The following TXK variants were observed in gnomAD, a reference collection of about 807,000 sequenced individuals.
TXK encodes TXK tyrosine kinase, also known as tyrosine-protein kinase TXK.
TXK carries 60 observed loss-of-function variants against 81.0 expected under a neutral mutation model. The ratio of observed to expected loss-of-function variants is 0.74; its 90% CI spans 0.60 to 0.92. TXK has a LOEUF of 0.92. Among genes scored for constraint, TXK ranks in the 40% least tolerant of loss-of-function variants. TXK has a pLI of 0.00. For missense variants in TXK, 581 were observed against 638.3 expected, an observed-to-expected ratio of 0.91 and a Z score of 0.97; for synonymous variants, 203 against 210.7, an observed-to-expected ratio of 0.96 and a Z score of 0.32.
chr4:48,073,337 C>T (rs1420760471), intron 13 of TXK, among the ~76,000 whole-genome samples: 1 of 152,110 alleles, frequency 6.6e-6, no homozygotes, highest in Non-Finnish European at 1.5e-5. Context: ...ATATTTATTA[C>T]CATTTTTTGA....
At chr4:48,118,341 C>T (rs549136528) in intron 1 of TXK, among the ~76,000 whole-genome samples, 336 of 152,256 alleles carry the variant, frequency 2.2e-3, no homozygotes, top group African/African-American at 7.8e-3. Context: ...TGGAGAACTA[C>T]CCAAGAGGCC....
In TXK at chr4:48,114,415, T is replaced by A. The variant is rs1276417659; in HGVS notation, c.17-13A>T. The A allele has an allele frequency of 6.2e-6, 10 of 1,613,958 alleles. No homozygotes were observed. Among genetic ancestry groups the A allele is most frequent in the Admixed American group, 5.0e-5 (3 of 60,000 alleles). The stretch of plus-strand genomic sequence containing the variant: ...TGGATGGTGTTATCTGAAAAGCAGA[T>A]CATTTCTCAGCTGTTAGAAAGCCAT... On this transcript the variant is annotated splice_polypyrimidine_tract_variant and intron_variant, in intron 1 of 14. Transcript: ENST00000264316.
chr4:48,092,997 C>G (rs1233425806), intron 8 of TXK, among the ~76,000 whole-genome samples: 1 of 152,092 alleles, frequency 6.6e-6, no homozygotes, highest in Non-Finnish European at 1.5e-5. Flanking sequence ...CAGGTTAAAG[C>G]CCTCATCTAA....
chr4:48,112,161 A>C lies in TXK; in HGVS notation c.380+146T>G. ...TGGTTCTGAGACTCTGCCTGAAATC[A>C]CTGTTCTCTCATTCTCTCACACATC... On this transcript the variant is annotated intron_variant, in intron 4 of 14. Coordinates refer to ENST00000264316, the MANE Select transcript of TXK (RefSeq NM_003328.3). The C allele has an allele frequency of 4.1e-6, 3 of 730,998 alleles. No homozygotes were observed. The South Asian group carries it at 6.3e-5, about 15-fold the overall frequency. 45.3% of individuals were successfully genotyped at this position (730,998 alleles called of 1,614,324 possible). A position where few individuals can be genotyped will look rare whatever the true frequency, so the allele number is the denominator to read the frequency against.
At chr4:48,090,865 C>T (rs1384722621) in intron 8 of TXK, among the ~76,000 whole-genome samples, 5 of 152,194 alleles carry the variant, frequency 3.3e-5, no homozygotes, top group African/African-American at 1.2e-4. Flanking sequence ...GCTACGCTGA[C>T]GTTGATTGAT....
chr4:48,083,425 T>C (rs542229887), intron 10 of TXK, among the ~76,000 whole-genome samples: 97 of 152,350 alleles, frequency 6.4e-4, no homozygotes, highest in African/African-American at 2.3e-3. Flanking sequence ...CTTCCTAAAA[T>C]GTGTAAAACC....
intron 8 of TXK, among the ~76,000 whole-genome samples, chr4:48,090,743 GCATGCACA>G (rs1717732784): frequency 1.3e-5 from 2 of 152,100 alleles, no homozygotes; most frequent in Admixed American, 1.3e-4. Flanking sequence ...AATAACAAGG[GCATGCACA>G]CACAAGAAAA....
intron 8 of TXK, among the ~76,000 whole-genome samples, chr4:48,093,694 T>A (rs1056464178): frequency 3.9e-5 from 6 of 152,184 alleles, no homozygotes; most frequent in Admixed American, 1.3e-4. Flanking sequence ...TCTATTACAA[T>A]CGTCAAAAGT....
chr4:48,105,998 T>C (rs1337289747), intron 5 of TXK: 2 of 152,152 alleles, frequency 1.3e-5, no homozygotes, highest in South Asian at 2.1e-4. Flanking sequence ...GCAAATGTTG[T>C]ACAGGAAGGA....
At chr4:48,088,390 T>C (rs537495836) in intron 9 of TXK, among the ~76,000 whole-genome samples, 1 of 152,314 alleles carries the variant, frequency 6.6e-6, no homozygotes, top group Admixed American at 6.5e-5. Context: ...AACAATATTA[T>C]TTGTAAGAGC....
intron 14 of TXK, among the ~76,000 whole-genome samples, chr4:48,068,456 G>T (rs912936479): frequency 6.6e-5 from 10 of 152,206 alleles, no homozygotes; most frequent in African/African-American, 2.4e-4. Flanking sequence ...TGTGCTTTCA[G>T]TCTCAGTCAA....
intron 6 of TXK, among the ~76,000 whole-genome samples, chr4:48,096,915 C>T (rs1417682279): frequency 2.0e-5 from 3 of 152,140 alleles, no homozygotes; most frequent in Non-Finnish European, 4.4e-5. Context: ...CACATATTAG[C>T]ACCTCTGCTA....
chr4:48,095,002 G>C, intron 7 of TXK, 141 bp downstream of exon 7: 1 of 692,350 alleles, frequency 1.4e-6, no homozygotes, highest in African/African-American at 1.8e-5. Context: ...AGCATGCTAG[G>C]GATATATCAC....
chr4:48,068,172 A>G (rs1716683138), intron 14 of TXK, among the ~76,000 whole-genome samples: 1 of 152,238 alleles, frequency 6.6e-6, no homozygotes, highest in South Asian at 2.1e-4. Flanking sequence ...AGAACCCAAT[A>G]GCCAGAAGTG....
intron 11 of TXK, among the ~76,000 whole-genome samples, chr4:48,077,040 A>G (rs1413153905): frequency 6.6e-6 from 1 of 152,210 alleles, no homozygotes; most frequent in Non-Finnish European, 1.5e-5. Context: ...ATAACAGATA[A>G]GGCATAGTCA....
intron 6 of TXK, among the ~76,000 whole-genome samples, chr4:48,098,886 T>C (rs1022200247): frequency 2.0e-5 from 3 of 152,038 alleles, no homozygotes; most frequent in Non-Finnish European, 4.4e-5. Flanking sequence ...TGAGCTGAGA[T>C]TGCGCCACTG....
At chr4:48,070,144 C>T (rs1273767577) in intron 14 of TXK, among the ~76,000 whole-genome samples, 5 of 82,444 alleles carry the variant, frequency 6.1e-5, no homozygotes, top group African/African-American at 1.4e-4. Flanking sequence ...GGAAACTTCT[C>T]ATCAAGCTGC....
chr4:48,123,363 T>G (rs1719007497), intron 1 of TXK, among the ~76,000 whole-genome samples: 1 of 152,206 alleles, frequency 6.6e-6, no homozygotes, highest in Non-Finnish European at 1.5e-5. Flanking sequence ...AATTATCATC[T>G]TCCTCACTAT....
chr4:48,076,565 C>A, intron 11 of TXK, 99 bp from the exon 12 acceptor site: 1 of 928,450 alleles, frequency 1.1e-6, no homozygotes, highest in Non-Finnish European at 1.7e-6. Context: ...CACACTACCT[C>A]TCTGTGTGTA....
Sources: gnomAD v4.1 joint callset for allele counts (sites outside exome capture counted in the v4.1 genomes callset) on GRCh38, gnomAD v4.1.1 for gene constraint, MANE v1.5 for transcripts, NCBI Gene and HGNC (gene_info 2026-07-23, HGNC 2026-07-21) for gene names.